TCERG1L: variants seen among roughly 807,000 people sequenced by gnomAD.
TCERG1L encodes transcription elongation regulator 1 like.
TCERG1L carries 37 observed loss-of-function variants against 56.3 expected under a neutral mutation model. That is an observed-to-expected ratio of 0.66 (90% CI 0.51 to 0.87). The LOEUF (loss-of-function observed/expected upper bound fraction) is 0.87, where lower values mean the gene tolerates loss of function less well. TCERG1L is among the 40% of genes least tolerant of loss of function. TCERG1L has a pLI of 0.00. For missense variants in TCERG1L, 799 were observed against 774.2 expected (o/e 1.03, Z -0.38); for synonymous variants, 324 against 326.3 (o/e 0.99, Z 0.08).
Position 131,137,399 on chromosome 10 carries a change from C to G in TCERG1L, c.1190-2951G>C, listed in dbSNP as rs1365574234. On this transcript the variant is annotated intron_variant, in intron 7 of 11. Coordinates refer to ENST00000368642, the MANE Select transcript of TCERG1L (RefSeq NM_174937.4). ...CACTGGGCCTTCTGGCCGTCTCATTCGGAGGCACCGGGGCCTCACAGAGGC... is the reference window on the plus strand; with the variant it reads ...CACTGGGCCTTCTGGCCGTCTCATTGGGAGGCACCGGGGCCTCACAGAGGC... Among the ~76,000 whole-genome samples, 8 of 152,346 alleles carry G rather than the reference C, an allele frequency of 5.3e-5. No homozygotes were observed. In the East Asian group the frequency reaches 1.4e-3, roughly 26 times the overall value.
rs532708606 is a variant in TCERG1L at position 131,204,551 on chromosome 10, G to A, written c.857-37666C>T. 2.8e-4 allele frequency among the ~76,000 whole-genome samples: 43 copies of A among 152,364 alleles called. No individual in the cohort carries two copies. In the South Asian group the frequency reaches 5.4e-3, roughly 19 times the overall value. ...AAACTGTCCGTGATGGTGGGTCCTGGCTTCCCAGCAGCGGTGGCCACAGTC... is the reference window on the plus strand; with the variant it reads ...AAACTGTCCGTGATGGTGGGTCCTGACTTCCCAGCAGCGGTGGCCACAGTC... On this transcript the variant is annotated intron_variant, in intron 4 of 11. Transcript: ENST00000368642.
chr10:131,093,611 C>A (rs1845207165), intron 11 of TCERG1L, among the ~76,000 whole-genome samples: 1 of 152,192 alleles, frequency 6.6e-6, no homozygotes, highest in South Asian at 2.1e-4. Flanking sequence ...AGCTGTCACT[C>A]CCCCAGCCGC....
intron 4 of TCERG1L, among the ~76,000 whole-genome samples, chr10:131,240,868 G>C (rs574639086): frequency 6.6e-6 from 1 of 152,228 alleles, no homozygotes. Flanking sequence ...GATAGGAGAG[G>C]TGGAGAAACC....
chr10:131,230,007 G>A (rs896838615), intron 4 of TCERG1L, among the ~76,000 whole-genome samples: 1 of 151,876 alleles, frequency 6.6e-6, no homozygotes, highest in East Asian at 1.9e-4. Flanking sequence ...GAAATTGCCT[G>A]AAGCAAGGAA....
rs1228949887 is a variant in TCERG1L at position 131,265,099 on chromosome 10, T to C, written c.671-4655A>G. 2.0e-5 allele frequency among the ~76,000 whole-genome samples: 3 copies of C among 152,228 alleles called. No individual in the cohort carries two copies. The East Asian group carries it at 5.8e-4, about 29-fold the overall frequency. On this transcript the variant is annotated intron_variant, in intron 3 of 11. Coordinates refer to ENST00000368642, the MANE Select transcript of TCERG1L (RefSeq NM_174937.4). ...TTTTTAACGAACTCAATCTGTTGTT[T>C]GAAATGAAGATGGCCTTTCATAATG... is the stretch of plus-strand genomic sequence containing the variant.
At chr10:131,297,816 A>G (rs1846714952) in intron 3 of TCERG1L, among the ~76,000 whole-genome samples, 2 of 152,130 alleles carry the variant, frequency 1.3e-5, no homozygotes, top group Admixed American at 6.5e-5. Context: ...TCTATTTCAA[A>G]TAACTTATTT....
intron 4 of TCERG1L, among the ~76,000 whole-genome samples, chr10:131,201,605 A>G (rs1304650782): frequency 6.6e-6 from 1 of 152,244 alleles, no homozygotes; most frequent in African/African-American, 2.4e-5. Context: ...AAATAAAAAA[A>G]TATATAAAAA....
intron 4 of TCERG1L, among the ~76,000 whole-genome samples, chr10:131,198,563 C>T (rs1845392452): frequency 6.6e-6 from 1 of 152,258 alleles, no homozygotes; most frequent in Admixed American, 6.5e-5. Flanking sequence ...CAAGGCTCCT[C>T]CAGTTCCACC....
chr10:131,244,479 C>T (rs1246256570), intron 4 of TCERG1L, among the ~76,000 whole-genome samples: 1 of 151,204 alleles, frequency 6.6e-6, no homozygotes, highest in Non-Finnish European at 1.5e-5. Context: ...CAGCAGCTGG[C>T]TAAGATTCTT....
At chr10:131,161,391 G>A (rs1340212115) in intron 6 of TCERG1L, 1 of 152,222 alleles carries the variant, frequency 6.6e-6, no homozygotes, top group East Asian at 1.9e-4. Flanking sequence ...TGCCTTTCCA[G>A]AATATACCCC....
intron 4 of TCERG1L, among the ~76,000 whole-genome samples, chr10:131,255,338 A>G (rs992154432): frequency 6.6e-6 from 1 of 152,266 alleles, no homozygotes; most frequent in Admixed American, 6.5e-5. Flanking sequence ...AAGAATGCGC[A>G]AACTATGTTA....
Position 131,219,141 on chromosome 10 carries a change from T to A in TCERG1L, c.856+41118A>T, listed in dbSNP as rs145935704. Reference sequence around the variant, plus strand: ...TGCAGGCTCCGTCCCGCAGTCATGATGGCCCTCCCTGGCCTGGCTCTGCCC... The same window carrying A: ...TGCAGGCTCCGTCCCGCAGTCATGAAGGCCCTCCCTGGCCTGGCTCTGCCC... On this transcript the variant is annotated intron_variant, in intron 4 of 11. Coordinates refer to ENST00000368642, the MANE Select transcript of TCERG1L (RefSeq NM_174937.4). 4.5e-3 allele frequency among the ~76,000 whole-genome samples: 679 copies of A among 152,244 alleles called. 4 individuals carry two copies. The highest frequency in any genetic ancestry group is 0.015 in the African/African-American group (634 of 41,566).
At chr10:131,099,856 C>CT (rs1360866857) in intron 10 of TCERG1L, among the ~76,000 whole-genome samples, 2 of 151,922 alleles carry the variant, frequency 1.3e-5, no homozygotes, top group African/African-American at 4.8e-5. Context: ...TGATTGGCTT[C>CT]TTTTTTCTTT....
chr10:131,153,320 G>C (rs1273759583), intron 6 of TCERG1L, among the ~76,000 whole-genome samples: 1 of 152,126 alleles, frequency 6.6e-6, no homozygotes, highest in African/African-American at 2.4e-5. Context: ...GAAAACCAAA[G>C]CACCTTCACC....
intron 6 of TCERG1L, among the ~76,000 whole-genome samples, chr10:131,152,104 C>T (rs372680774): frequency 2.0e-5 from 3 of 152,212 alleles, no homozygotes; most frequent in Admixed American, 1.3e-4. Flanking sequence ...GACCTTCTTC[C>T]CATTGTCTTG....
chr10:131,279,685 C>G (rs978534233), intron 3 of TCERG1L, among the ~76,000 whole-genome samples: 1 of 152,210 alleles, frequency 6.6e-6, no homozygotes, highest in Non-Finnish European at 1.5e-5. Flanking sequence ...GGCCACCCAG[C>G]CGCCCGGTGA....
At chr10:131,239,340 A>G (rs900838556) in intron 4 of TCERG1L, among the ~76,000 whole-genome samples, 2 of 152,276 alleles carry the variant, frequency 1.3e-5, no homozygotes, top group African/African-American at 4.8e-5. Context: ...AGAGGTTGAC[A>G]GCGATGCCAC....
At chr10:131,278,086 T>TC (rs1223417457) in intron 3 of TCERG1L, among the ~76,000 whole-genome samples, 3 of 151,270 alleles carry the variant, frequency 2.0e-5, no homozygotes, top group Admixed American at 6.6e-5. Flanking sequence ...GGCTCCTGCC[T>TC]CCCCCCGGGC....
At chr10:131,240,715 G>A (rs186182019) in intron 4 of TCERG1L, among the ~76,000 whole-genome samples, 5 of 152,322 alleles carry the variant, frequency 3.3e-5, no homozygotes, top group Middle Eastern at 3.4e-3. Flanking sequence ...CTGAGTCGGC[G>A]TCCATCCTGT....
Sources: allele counts gnomAD v4.1 joint callset (sites outside exome capture counted in the v4.1 genomes callset), GRCh38; gene constraint gnomAD v4.1.1; transcripts MANE v1.5; gene names NCBI Gene and HGNC (gene_info 2026-07-23, HGNC 2026-07-21).